Variants in FERMT1 observed in about 807,000 individuals in gnomAD.
FERMT1 encodes fermitin family homolog 1.
FERMT1 carries 60 observed loss-of-function variants against 85.3 expected under a neutral mutation model. That is an observed-to-expected ratio of 0.70 (90% CI 0.57 to 0.87). FERMT1 has a LOEUF of 0.87. Ranked by LOEUF, FERMT1 falls within the 40% of genes least tolerant of loss-of-function variation. FERMT1 has a pLI of 0.00. For synonymous variants in FERMT1, 275 were observed against 301.1 expected (o/e 0.91, Z 0.90); for missense variants, 701 against 818.9 (o/e 0.86, Z 1.76).
At chr20:6,114,541 C>T (rs190093640) in intron 3 of FERMT1, among the ~76,000 whole-genome samples, 1 of 152,304 alleles carries the variant, frequency 6.6e-6, no homozygotes, top group Non-Finnish European at 1.5e-5. Context: ...TTTATGTAAT[C>T]ATTTACTTTG....
rs1310214482 is a variant in FERMT1 at position 6,091,044 on chromosome 20, G to A, written c.1140-1955C>T. ...CTGGCCGTGGTGGCGTGCACCTGTAGTCCCAGCTACCCGGAGGCTGAGGCA... is the reference window on the plus strand; with the variant it reads ...CTGGCCGTGGTGGCGTGCACCTGTAATCCCAGCTACCCGGAGGCTGAGGCA... On this transcript the variant is annotated intron_variant, in intron 9 of 14. Coordinates refer to ENST00000217289, the MANE Select transcript of FERMT1 (RefSeq NM_017671.5). Among the ~76,000 whole-genome samples the A allele has an allele frequency of 5.3e-5, 8 of 151,500 alleles. No individual in the cohort carries two copies. In the East Asian group the frequency reaches 1.4e-3, roughly 27 times the overall value.
intron 1 of FERMT1, among the ~76,000 whole-genome samples, chr20:6,121,420 G>A (rs993179214): frequency 2.0e-5 from 3 of 152,192 alleles, no homozygotes; most frequent in Non-Finnish European, 4.4e-5. Flanking sequence ...ACGCCCAGCC[G>A]TTCCTTATGT....
At chr20:6,090,114 T>G (rs908779505) in intron 9 of FERMT1, among the ~76,000 whole-genome samples, 3 of 152,064 alleles carry the variant, frequency 2.0e-5, no homozygotes, top group African/African-American at 7.2e-5. Context: ...CTCGCTCTGT[T>G]GCCAGGCTAG....
At position 6,097,010 on chromosome 20, in the gene FERMT1, C is replaced by T. The variant is rs895302818; in HGVS notation, c.981G>A (p.Leu327=). Residue 327 remains leucine (L), a synonymous_variant, in exon 8 of 15, where the codon TTG becomes TTA. Coordinates refer to ENST00000217289, the MANE Select transcript of FERMT1 (RefSeq NM_017671.5). ...ALQYHISKLS[L]SAETQDFAGE... is the part of the protein sequence containing the mutation. ...CTGCAAAATCCTGTGTTTCAGCAGA[C>T]AACGACAGTTTGCTAATGTGGTACT... The T allele has an allele frequency of 1.2e-6, 2 of 1,613,936 alleles. No individual in the cohort carries two copies. Among genetic ancestry groups the T allele is most frequent in the Non-Finnish European group, 8.5e-7 (1 of 1,179,904 alleles).
At chr20:6,116,872 A>G (rs980057067) in intron 2 of FERMT1, among the ~76,000 whole-genome samples, 3 of 152,204 alleles carry the variant, frequency 2.0e-5, no homozygotes, top group Non-Finnish European at 4.4e-5. Context: ...GCCCTTTCTG[A>G]GAAAGCATCT....
intron 6 of FERMT1, among the ~76,000 whole-genome samples, chr20:6,099,311 G>A (rs1022585370): frequency 6.6e-6 from 1 of 151,648 alleles, no homozygotes; most frequent in Non-Finnish European, 1.5e-5. Flanking sequence ...AGGGTGAGGT[G>A]GGAGAATCAC....
At position 6,074,986 on chromosome 20, in the gene FERMT1, C is replaced by A. The variant is rs1446075629; in HGVS notation, c.*2187G>T. The A allele has an allele frequency of 6.6e-6, 1 of 150,454 alleles. No homozygotes were observed. Among genetic ancestry groups the A allele is most frequent in the Non-Finnish European group, 1.5e-5 (1 of 67,824 alleles). 9.3% of individuals were successfully genotyped at this position (150,454 alleles called of 1,614,324 possible). ...ATTTCATCATAGGAATTTGGGTGAC[C>A]TTTTGCACTCAGTATTAAAAAAAAC... On this transcript the variant is annotated 3_prime_UTR_variant, in exon 15 of 15. Coordinates refer to ENST00000217289, the MANE Select transcript of FERMT1 (RefSeq NM_017671.5).
intron 3 of FERMT1, among the ~76,000 whole-genome samples, chr20:6,113,240 C>T (rs2123146269): frequency 6.6e-6 from 1 of 152,296 alleles, no homozygotes; most frequent in South Asian, 2.1e-4. Flanking sequence ...TCCTTGCCTT[C>T]CTCCATGATT....
At chr20:6,097,308 T>C (rs1035246916) in intron 7 of FERMT1, among the ~76,000 whole-genome samples, 1 of 152,206 alleles carries the variant, frequency 6.6e-6, no homozygotes, top group Non-Finnish European at 1.5e-5. Flanking sequence ...TTACAGAGGA[T>C]GTGAGCGTGT....
chr20:6,086,893 T>C (rs1255543946), intron 11 of FERMT1, among the ~76,000 whole-genome samples: 1 of 152,026 alleles, frequency 6.6e-6, no homozygotes, highest in Non-Finnish European at 1.5e-5. Flanking sequence ...CAGTCTCAGG[T>C]AGTTCTTTAT....
At chr20:6,084,841 G>T (rs989681433) in intron 12 of FERMT1, among the ~76,000 whole-genome samples, 9 of 151,898 alleles carry the variant, frequency 5.9e-5, no homozygotes, top group Non-Finnish European at 1.2e-4. Context: ...TTACAGGTGT[G>T]CACCACCACG....
At chr20:6,083,956 A>G (rs1170047372) in intron 13 of FERMT1, 84 bp downstream of exon 13, 2 of 1,491,274 alleles carry the variant, frequency 1.3e-6, no homozygotes, top group African/African-American at 1.4e-5. Flanking sequence ...TCTATATTCT[A>G]TGCTAAATGA....
chr20:6,103,906 C>T (rs1315763387), intron 6 of FERMT1, among the ~76,000 whole-genome samples: 6 of 150,814 alleles, frequency 4.0e-5, no homozygotes, highest in African/African-American at 1.2e-4. Context: ...GTTTTGCTCT[C>T]ATTGCCCAGG....
In FERMT1 at chr20:6,107,599, C is replaced by A; in HGVS notation, c.782G>T (p.Gly261Val). 6.2e-7 allele frequency: 1 copy of A among 1,612,514 alleles called. No homozygotes were observed. Among genetic ancestry groups the A allele is most frequent in the Non-Finnish European group, 8.5e-7 (1 of 1,178,796 alleles). The change falls in exon 6 of 15, where the codon GGC (glycine) becomes GTC (valine). Residue 261 changes from glycine to valine, a missense_variant. Transcript: ENST00000217289. ...LDSSRSLMEQ[G>V]IQEDEQLLLR... is the part of the protein sequence containing the mutation. ...GAGCAGCTGCTCATCCTCTTGGATG[C>A]CTTGTTCCATAAGGGAGCGTGAGGA...
At chr20:6,088,645 T>G (rs1600430504) in intron 10 of FERMT1, among the ~76,000 whole-genome samples, 4 of 119,944 alleles carry the variant, frequency 3.3e-5, no homozygotes, top group African/African-American at 9.1e-5. Flanking sequence ...TTTTTTTTTT[T>G]GGAGACAGAG....
chr20:6,114,617 CAGG>C (rs1983048378), intron 3 of FERMT1, among the ~76,000 whole-genome samples: 1 of 152,118 alleles, frequency 6.6e-6, no homozygotes, highest in Admixed American at 6.5e-5. Context: ...ATTTGCACAC[CAGG>C]GACAAGACTG....
At chr20:6,114,443 A>G (rs911552436) in intron 3 of FERMT1, among the ~76,000 whole-genome samples, 3 of 152,226 alleles carry the variant, frequency 2.0e-5, no homozygotes, top group African/African-American at 7.2e-5. Flanking sequence ...AGAACATCTG[A>G]CTGCTTCTGT....
Position 6,104,431 on chromosome 20 carries a change from CTATT to C in FERMT1, c.849+3097_849+3100del, listed in dbSNP as rs1212398747. 2.3e-4 allele frequency among the ~76,000 whole-genome samples: 35 copies of C among 152,312 alleles called. No homozygotes were observed. Among genetic ancestry groups the C allele is most frequent in the Admixed American group, 1.5e-3 (23 of 15,306 alleles). On this transcript the variant is annotated intron_variant, in intron 6 of 14. Coordinates refer to ENST00000217289, the MANE Select transcript of FERMT1 (RefSeq NM_017671.5). The surrounding 1 kb of genome is among the most constrained non-coding windows in gnomAD (Gnocchi z 4.2). ...TTACATCTAAAATTTCTATATCCCT[CTATT>C]TATGCAGCACAGAGTAGGAGTCTTA... is the stretch of plus-strand genomic sequence containing the variant.
At position 6,104,865 on chromosome 20, in the gene FERMT1, G is replaced by T. The variant is rs1568661722; in HGVS notation, c.849+2667C>A. 6.6e-6 allele frequency among the ~76,000 whole-genome samples: 1 copy of T among 152,220 alleles called. No homozygotes were observed. The highest frequency in any genetic ancestry group is 1.5e-5 in the Non-Finnish European group (1 of 68,034). ...ATTATCTGGCTTATTTGACTGTGAAGTCACTTACATGTTCCTAATGGTTTT... is the reference window on the plus strand; with the variant it reads ...ATTATCTGGCTTATTTGACTGTGAATTCACTTACATGTTCCTAATGGTTTT... On this transcript the variant is annotated intron_variant, in intron 6 of 14. Coordinates refer to ENST00000217289, the MANE Select transcript of FERMT1 (RefSeq NM_017671.5). The surrounding 1 kb of genome is among the most constrained non-coding windows in gnomAD (Gnocchi z 4.2).
Sources: allele counts gnomAD v4.1 joint callset (sites outside exome capture counted in the v4.1 genomes callset), GRCh38; gene constraint gnomAD v4.1.1; non-coding constraint Gnocchi (gnomAD v3.1); transcripts MANE v1.5; gene names NCBI Gene and HGNC (gene_info 2026-07-23, HGNC 2026-07-21).